The following GNAQ variants were observed in gnomAD, a reference collection of about 807,000 sequenced individuals.
GNAQ encodes the protein G protein subunit alpha q.
Under a neutral mutation model 43.9 loss-of-function variants are expected in GNAQ, and 8 were observed. The observed-to-expected ratio is 0.18, with a 90% CI of 0.11 to 0.33. GNAQ has a LOEUF of 0.33. Among genes scored for constraint, GNAQ ranks in the 10% least tolerant of loss-of-function variants. GNAQ has a pLI of 1.00. For synonymous variants in GNAQ, 155 were observed against 170.7 expected (o/e 0.91, Z 0.71); for missense variants, 158 against 450.8 (o/e 0.35, Z 5.88).
chr9:77,758,228 C>A (rs1825934606), intron 5 of GNAQ, among the ~76,000 whole-genome samples: 1 of 152,178 alleles, frequency 6.6e-6, no homozygotes, highest in Non-Finnish European at 1.5e-5. Context: ...TCAAATTAGT[C>A]TTTCCTCAAA....
intron 5 of GNAQ, among the ~76,000 whole-genome samples, chr9:77,770,528 G>C (rs1465505264): frequency 6.6e-6 from 1 of 152,224 alleles, no homozygotes. Flanking sequence ...CCTCCCACTA[G>C]TGTTTTCTCG....
chr9:77,855,660 T>C (rs1021060479), intron 2 of GNAQ, among the ~76,000 whole-genome samples: 7 of 152,076 alleles, frequency 4.6e-5, no homozygotes, highest in African/African-American at 1.7e-4. Context: ...CCATCACTCA[T>C]GTTAATCTAT....
intron 5 of GNAQ, among the ~76,000 whole-genome samples, chr9:77,773,439 C>G (rs997418971): frequency 1.3e-5 from 2 of 152,154 alleles, no homozygotes; most frequent in African/African-American, 4.8e-5. Flanking sequence ...TTTTAATAAT[C>G]CTCACAGCGC....
chr9:77,986,807 T>C (rs1823444142), intron 1 of GNAQ, among the ~76,000 whole-genome samples: 2 of 135,132 alleles, frequency 1.5e-5, no homozygotes, highest in Non-Finnish European at 1.7e-5. Context: ...CTGGCCCTTT[T>C]TTTTTTTTTT....
intron 6 of GNAQ, among the ~76,000 whole-genome samples, chr9:77,723,877 G>A (rs142968588): frequency 6.6e-6 from 1 of 152,136 alleles, no homozygotes; most frequent in Admixed American, 6.5e-5. Context: ...TGTAATTAAT[G>A]CCTTTTATGA....
At chr9:77,945,696 T>A (rs1265883334) in intron 1 of GNAQ, among the ~76,000 whole-genome samples, 1 of 152,176 alleles carries the variant, frequency 6.6e-6, no homozygotes, top group Admixed American at 6.5e-5. Flanking sequence ...TATTAATAAA[T>A]CATAAATGGG....
At chr9:77,816,102 A>G (rs552593543) in intron 2 of GNAQ, among the ~76,000 whole-genome samples, 37 of 152,292 alleles carry the variant, frequency 2.4e-4, no homozygotes, top group African/African-American at 7.5e-4. Context: ...CTAAAATGTT[A>G]TTATTAAAAG....
intron 2 of GNAQ, among the ~76,000 whole-genome samples, chr9:77,839,208 T>A (rs1055450647): frequency 6.6e-6 from 1 of 152,224 alleles, no homozygotes; most frequent in Non-Finnish European, 1.5e-5. Context: ...TCTTACTGAA[T>A]CATTGGTTAA....
At chr9:77,834,106 GTAA>G (rs932347952) in intron 2 of GNAQ, among the ~76,000 whole-genome samples, 5 of 152,122 alleles carry the variant, frequency 3.3e-5, no homozygotes, top group East Asian at 1.9e-4. Flanking sequence ...TAGGAAATAA[GTAA>G]TAATAATTAC....
intron 3 of GNAQ, among the ~76,000 whole-genome samples, chr9:77,804,875 G>GAC (rs950916586): frequency 7.2e-5 from 11 of 152,020 alleles, no homozygotes; most frequent in Non-Finnish European, 1.5e-4. Flanking sequence ...AAACGAGGTC[G>GAC]ACTTCATTTA....
chr9:77,994,223 G>A (rs550027910), intron 1 of GNAQ, among the ~76,000 whole-genome samples: 12 of 152,088 alleles, frequency 7.9e-5, no homozygotes, highest in Non-Finnish European at 1.8e-4. Context: ...ATGTTTTGTG[G>A]AGATGGGGTG....
At chr9:77,835,038 C>T (rs571651342) in intron 2 of GNAQ, among the ~76,000 whole-genome samples, 2 of 152,194 alleles carry the variant, frequency 1.3e-5, no homozygotes, top group South Asian at 2.1e-4. Flanking sequence ...ACAGACAGTA[C>T]TGAATCCTAG....
At chr9:77,933,494 A>T (rs1386540601) in intron 1 of GNAQ, among the ~76,000 whole-genome samples, 1 of 151,952 alleles carries the variant, frequency 6.6e-6, no homozygotes, top group Non-Finnish European at 1.5e-5. Flanking sequence ...AAAATACAAA[A>T]ATTAGCCAGA....
chr9:77,719,798 G>C lies in GNAQ; in HGVS notation c.*1525C>G. 1 of 232,632 alleles carries C rather than the reference G, an allele frequency of 4.3e-6. No homozygotes were observed. 14.4% of individuals were successfully genotyped at this position (232,632 alleles called of 1,614,324 possible). On this transcript the variant is annotated 3_prime_UTR_variant, in exon 7 of 7. Coordinates refer to ENST00000286548, the MANE Select transcript of GNAQ (RefSeq NM_002072.5). ...GAATTCCAAACATTTCTCCTGGTAG[G>C]TTCAGTTACACAAATACATGTTCTA...
At chr9:77,806,500 A>G (rs182276062) in intron 3 of GNAQ, among the ~76,000 whole-genome samples, 1 of 152,340 alleles carries the variant, frequency 6.6e-6, no homozygotes, top group East Asian at 1.9e-4. Flanking sequence ...CAAAGAGAGC[A>G]CCGATGAATC....
intron 3 of GNAQ, among the ~76,000 whole-genome samples, chr9:77,806,211 TC>T (rs1310240562): frequency 6.6e-6 from 1 of 152,264 alleles, no homozygotes; most frequent in East Asian, 1.9e-4. Context: ...AATTTATTCA[TC>T]TTTTATATAT....
At chr9:77,892,800 G>A (rs956354598) in intron 2 of GNAQ, among the ~76,000 whole-genome samples, 1 of 152,124 alleles carries the variant, frequency 6.6e-6, no homozygotes, top group Non-Finnish European at 1.5e-5. Context: ...ATCCCTTTTG[G>A]AAACTAGTAA....
chr9:77,859,049 G>C (rs1029860463), intron 2 of GNAQ, among the ~76,000 whole-genome samples: 1 of 152,072 alleles, frequency 6.6e-6, no homozygotes, highest in Non-Finnish European at 1.5e-5. Context: ...TCAAACACAG[G>C]AGCAGAGTCC....
At chr9:77,803,304 T>G (rs1826776054) in intron 3 of GNAQ, among the ~76,000 whole-genome samples, 1 of 152,228 alleles carries the variant, frequency 6.6e-6, no homozygotes, top group African/African-American at 2.4e-5. Flanking sequence ...TTTAGTAGAT[T>G]TGCTTCCTGC....
Sources: gnomAD v4.1 joint callset for allele counts (sites outside exome capture counted in the v4.1 genomes callset) on GRCh38, gnomAD v4.1.1 for gene constraint, MANE v1.5 for transcripts, NCBI Gene and HGNC (gene_info 2026-07-23, HGNC 2026-07-21) for gene names.